CUBN: variants seen among roughly 807,000 people sequenced by gnomAD.
CUBN encodes the protein 460 kDa receptor.
CUBN carries 282 observed loss-of-function variants against 405.3 expected under a neutral mutation model. That is an observed-to-expected ratio of 0.70 (90% CI 0.63 to 0.77). The LOEUF (loss-of-function observed/expected upper bound fraction) is 0.77. CUBN is among the 30% of genes least tolerant of loss of function. The probability of loss-of-function intolerance (pLI) is 0.00; values close to 1 mark genes in which losing one functional copy is unlikely to be tolerated. For missense variants in CUBN, 4,514 were observed against 4,475.2 expected (o/e 1.01, Z -0.25); for synonymous variants, 1,684 against 1,617.0 (o/e 1.04, Z -0.99).
At chr10:17,000,542 C>T (rs1167761282) in intron 28 of CUBN, among the ~76,000 whole-genome samples, 3 of 152,206 alleles carry the variant, frequency 2.0e-5, no homozygotes, top group Admixed American at 6.5e-5. Flanking sequence ...AGATTGCACA[C>T]ATCTTTTTAA....
At chr10:16,831,471 T>C (rs1436058151) in intron 64 of CUBN, 54 bp from the exon 65 acceptor site, 1 of 1,437,460 alleles carries the variant, frequency 7.0e-7, no homozygotes, top group Non-Finnish European at 9.8e-7. Context: ...CTAAGGTATA[T>C]ACATTAAAAT....
At chr10:16,910,585 C>T (rs1841700955) in intron 48 of CUBN, among the ~76,000 whole-genome samples, 1 of 151,908 alleles carries the variant, frequency 6.6e-6, no homozygotes, top group Admixed American at 6.6e-5. Flanking sequence ...ACAGAGATAC[C>T]AGTCATCCTT....
intron 60 of CUBN, among the ~76,000 whole-genome samples, chr10:16,845,450 G>A (rs1452314709): frequency 6.6e-6 from 1 of 152,164 alleles, no homozygotes; most frequent in Non-Finnish European, 1.5e-5. Context: ...TTTAGTATGG[G>A]AAGAAGAATA....
intron 48 of CUBN, among the ~76,000 whole-genome samples, chr10:16,912,441 G>C (rs1289781298): frequency 6.6e-6 from 1 of 152,186 alleles, no homozygotes; most frequent in Non-Finnish European, 1.5e-5. Context: ...ACATTCTAGT[G>C]GGGGAAGCAG....
intron 39 of CUBN, 124 bp from the exon 40 acceptor site, chr10:16,933,408 A>C: frequency 3.6e-6 from 3 of 828,380 alleles, no homozygotes; most frequent in Non-Finnish European, 5.9e-6. Flanking sequence ...AATTTCTCAG[A>C]GAAATCAATG....
At chr10:16,983,755 T>G (rs1833343733) in intron 30 of CUBN, among the ~76,000 whole-genome samples, 1 of 152,200 alleles carries the variant, frequency 6.6e-6, no homozygotes, top group Non-Finnish European at 1.5e-5. Context: ...AATTTAATGT[T>G]TGCAAGTTTG....
At chr10:16,996,706 T>C (rs997560131) in intron 28 of CUBN, among the ~76,000 whole-genome samples, 2 of 152,238 alleles carry the variant, frequency 1.3e-5, no homozygotes, top group South Asian at 2.1e-4. Flanking sequence ...AAGTAACTGC[T>C]GTATTGCCCG....
Position 16,877,026 on chromosome 10 carries a change from T to C in CUBN, c.8977A>G (p.Thr2993Ala), listed in dbSNP as rs1408193576. The C allele has an allele frequency of 6.2e-7, 1 of 1,613,954 alleles. No homozygotes were observed. Residue 2993 changes from threonine (T) to alanine (A), a missense_variant, in exon 57 of 67, where the codon ACC becomes GCC. Thr to Ala is a moderately conservative substitution (Grantham distance 58, BLOSUM62 0). Transcript: ENST00000377833. ...TCCCCACACACAGTAGCAAATGGGG[T>C]GGACATGACGCTGTAACCTCTGATA... ...HIIRGYSVMSTPFATVCGDEM... is the reference protein window; with the variant it reads ...HIIRGYSVMSAPFATVCGDEM...
chr10:16,939,958 A>C, intron 37 of CUBN, 74 bp downstream of exon 37: 1 of 1,226,286 alleles, frequency 8.2e-7, no homozygotes, highest in Non-Finnish European at 1.2e-6. Flanking sequence ...TGCTTAATAT[A>C]TTACTGAGAA....
intron 31 of CUBN, among the ~76,000 whole-genome samples, chr10:16,971,084 A>T (rs1373971658): frequency 1.3e-5 from 2 of 152,208 alleles, no homozygotes; most frequent in African/African-American, 4.8e-5. Context: ...GTATTTAAAG[A>T]GTACACTTGA....
intron 4 of CUBN, among the ~76,000 whole-genome samples, chr10:17,126,005 CT>C (rs369979399): frequency 6.6e-6 from 1 of 151,904 alleles, no homozygotes; most frequent in Non-Finnish European, 1.5e-5. Context: ...TGCATGAGTC[CT>C]TTTTTTTGTA....
Position 17,081,068 on chromosome 10 carries a change from T to C in CUBN, c.2301+3203A>G, listed in dbSNP as rs1835955395. ...TCCTTGTGTTAAAAAAAAAGAAAGA[T>C]ATGCTACACTGGGTCAATATCATTC... On this transcript the variant is annotated intron_variant, in intron 17 of 66. Transcript: ENST00000377833. Among the ~76,000 whole-genome samples, 5 of 152,180 alleles carry C rather than the reference T, an allele frequency of 3.3e-5. No individual in the cohort carries two copies. The South Asian group carries it at 1.0e-3, about 31-fold the overall frequency.
chr10:17,026,395 A>G (rs984123526), intron 27 of CUBN, among the ~76,000 whole-genome samples: 1 of 152,138 alleles, frequency 6.6e-6, no homozygotes, highest in Admixed American at 6.5e-5. Flanking sequence ...CCCTTAGGGA[A>G]GCCGAAGCGG....
intron 59 of CUBN, among the ~76,000 whole-genome samples, chr10:16,862,870 T>C (rs914009238): frequency 3.3e-5 from 5 of 152,214 alleles, no homozygotes; most frequent in African/African-American, 4.8e-5. Context: ...TTCAGTGTTT[T>C]TCAAAATGTT....
At chr10:16,893,341 T>TGTG (rs1478690171) in intron 54 of CUBN, among the ~76,000 whole-genome samples, 9 of 152,202 alleles carry the variant, frequency 5.9e-5, no homozygotes, top group Non-Finnish European at 1.0e-4. Flanking sequence ...ACAACCAGGT[T>TGTG]ACTGGCATTG....
chr10:17,006,658 A>C (rs146610439), intron 28 of CUBN, among the ~76,000 whole-genome samples: 123 of 152,278 alleles, frequency 8.1e-4, no homozygotes, highest in African/African-American at 2.9e-3. Flanking sequence ...CAGTGCTCTA[A>C]AGATGTTTTT....
intron 17 of CUBN, among the ~76,000 whole-genome samples, chr10:17,075,958 A>G (rs1436178096): frequency 2.0e-5 from 3 of 152,228 alleles, no homozygotes; most frequent in Non-Finnish European, 2.9e-5. Flanking sequence ...AGAGATACAG[A>G]CATACTGCAG....
At chr10:17,005,202 T>A (rs74797146) in intron 28 of CUBN, among the ~76,000 whole-genome samples, 34 of 152,338 alleles carry the variant, frequency 2.2e-4, no homozygotes, top group African/African-American at 7.7e-4. Context: ...TGGTTTCTGA[T>A]AACGTGTCCT....
At chr10:16,884,390 T>A (rs1588618256) in intron 56 of CUBN, among the ~76,000 whole-genome samples, 1 of 19,454 alleles carries the variant, frequency 5.1e-5, no homozygotes, top group Non-Finnish European at 1.5e-4. Flanking sequence ...GGATCTATAA[T>A]TTTTTTTTTT....
Sources: gnomAD v4.1 joint callset for allele counts (sites outside exome capture counted in the v4.1 genomes callset) on GRCh38, gnomAD v4.1.1 for gene constraint, MANE v1.5 for transcripts, NCBI Gene and HGNC (gene_info 2026-07-23, HGNC 2026-07-21) for gene names.